Variants in CFHR3 observed in about 807,000 individuals in gnomAD.
CFHR3 encodes the protein complement factor H related 3, also known as complement factor H-related protein 3.
In CFHR3, 22 loss-of-function variants were observed where a neutral mutation model predicts 36.0. The observed-to-expected ratio is 0.61, with a 90% CI of 0.44 to 0.87. CFHR3 has a LOEUF of 0.87. Among genes scored for constraint, CFHR3 ranks in the 40% least tolerant of loss-of-function variants. The probability of loss-of-function intolerance (pLI) is 0.00; values close to 1 mark genes in which losing one functional copy is unlikely to be tolerated. For missense variants in CFHR3, 276 were observed against 401.3 expected, an observed-to-expected ratio of 0.69 and a Z score of 2.67; for synonymous variants, 97 against 137.4, an observed-to-expected ratio of 0.71 and a Z score of 2.06.
rs879062744 is a variant in CFHR3, at chr1:196,789,782, T to C, written c.614-263T>C. 18 of 1,290,614 alleles carry C rather than the reference T, an allele frequency of 1.4e-5. 2 individuals carry two copies. The South Asian group carries it at 3.6e-4, about 26-fold the overall frequency. 79.9% of individuals were successfully genotyped at this position (1,290,614 alleles called of 1,614,324 possible). On this transcript the variant is annotated intron_variant, in intron 4 of 5. Coordinates refer to ENST00000367425, the MANE Select transcript of CFHR3 (RefSeq NM_021023.6). ...TAGTAAGTATTTTATTCAAGTATTT[T>C]TTATTAGAATTAAATAAAATAATAA... is the stretch of plus-strand genomic sequence containing the variant.
rs527698866 is a variant in CFHR3, at chr1:196,793,040, A to G, written c.797-277A>G. 5.2e-5 allele frequency among the ~76,000 whole-genome samples: 7 copies of G among 135,470 alleles called. No individual in the cohort carries two copies. In the East Asian group the frequency reaches 1.4e-3, roughly 27 times the overall value. The allele number at this position is 135,470 out of a possible 152,430, so 88.9% of individuals were successfully genotyped here. On this transcript the variant is annotated intron_variant, in intron 5 of 5. Transcript: ENST00000367425. Reference sequence around the variant, plus strand: ...ATATGAAGTCACTAGGGTGGACACAACATATTTTAGGAAAGAAGAGTTCAG... The same window carrying G: ...ATATGAAGTCACTAGGGTGGACACAGCATATTTTAGGAAAGAAGAGTTCAG...
chr1:196,788,155 C>G lies in CFHR3; in HGVS notation c.431-61C>G. 5.7e-6 allele frequency: 7 copies of G among 1,232,546 alleles called. 1 individual carries two copies. Among genetic ancestry groups the G allele is most frequent in the Non-Finnish European group, 7.6e-6 (7 of 921,598 alleles). 76.4% of individuals were successfully genotyped at this position (1,232,546 alleles called of 1,614,324 possible). ...CCATATTGCCATGTTTTTACTTGTTCCCTCCTATAAAAGAACTATTCAACT... is the reference window on the plus strand; with the variant it reads ...CCATATTGCCATGTTTTTACTTGTTGCCTCCTATAAAAGAACTATTCAACT... On this transcript the variant is annotated intron_variant, in intron 3 of 5. Coordinates refer to ENST00000367425, the MANE Select transcript of CFHR3 (RefSeq NM_021023.6).
rs1165765139 is a variant in CFHR3, at chr1:196,777,555, T to A, written c.59-1607T>A. Among the ~76,000 whole-genome samples, 7 of 137,136 alleles carry A rather than the reference T, an allele frequency of 5.1e-5. 1 individual carries two copies. The highest frequency in any genetic ancestry group is 2.1e-4 in the African/African-American group (7 of 32,840). 90.0% of individuals were successfully genotyped at this position (137,136 alleles called of 152,430 possible). A position where few individuals can be genotyped will look rare whatever the true frequency, so the allele number is the denominator to read the frequency against. ...CATAACAAAAGGTCCCAGGATTTCC[T>A]TGACTTTTCCTACTACAGACCAAGT... On this transcript the variant is annotated intron_variant, in intron 1 of 5. Transcript: ENST00000367425.
At chr1:196,778,693 T>C (rs1653827598) in intron 1 of CFHR3, among the ~76,000 whole-genome samples, 1 of 136,496 alleles carries the variant, frequency 7.3e-6, no homozygotes, top group Non-Finnish European at 1.6e-5. Context: ...AGATAATTGG[T>C]ACATTTCTGA....
Position 196,781,831 on chromosome 1 carries a change from C to T in CFHR3, c.430+1858C>T, listed in dbSNP as rs1481728443. ...ATTAGATCCCATTTGTCAATTTTGG[C>T]TTTTGTTGCCATTGCTTTTGGTGTT... On this transcript the variant is annotated intron_variant, in intron 3 of 5. Coordinates refer to ENST00000367425, the MANE Select transcript of CFHR3 (RefSeq NM_021023.6). Among the ~76,000 whole-genome samples the T allele has an allele frequency of 3.0e-5, 4 of 135,572 alleles. 1 individual carries two copies. Among genetic ancestry groups the T allele is most frequent in the Admixed American group, 2.9e-4 (4 of 14,008 alleles). The allele number at this position is 135,572 out of a possible 152,430, so 88.9% of individuals were successfully genotyped here.
intron 1 of CFHR3, 39 bp from the exon 2 acceptor site, chr1:196,779,123 A>T: frequency 7.2e-7 from 1 of 1,382,806 alleles, no homozygotes; most frequent in Non-Finnish European, 9.9e-7. Context: ...TATTACAGTA[A>T]AAATTATTTA....
At chr1:196,789,294 G>T in intron 4 of CFHR3, 6 of 832,682 alleles carry the variant, frequency 7.2e-6, no homozygotes, top group Non-Finnish European at 8.6e-6. Context: ...AAAATATTAA[G>T]CTAAGAGAGA....
At chr1:196,788,686 T>C (rs776078519) in intron 4 of CFHR3, 10 of 1,454,434 alleles carry the variant, frequency 6.9e-6, no homozygotes, top group Non-Finnish European at 8.2e-6. Flanking sequence ...CAGCAAAATA[T>C]GTTAGTTGCC....
At chr1:196,789,090 G>C in intron 4 of CFHR3, 1 of 1,090,400 alleles carries the variant, frequency 9.2e-7, no homozygotes, top group Non-Finnish European at 1.1e-6. Flanking sequence ...GGCAAAAGTT[G>C]ATTTTTTTTC....
rs1434748532 is a variant in CFHR3, at chr1:196,774,987, G to GT, written c.58+44dup. On this transcript the variant is annotated intron_variant, in intron 1 of 5. Transcript: ENST00000367425. Reference sequence around the variant, plus strand: ...TAAACACTCAGCTTCCCTCTTAAATGTAACTTCATGTAATATCTAGCTTTG... The same window carrying GT: ...TAAACACTCAGCTTCCCTCTTAAATGTTAACTTCATGTAATATCTAGCTTTG... 3 of 1,375,690 alleles carry GT rather than the reference G, an allele frequency of 2.2e-6. 1 individual carries two copies. Among genetic ancestry groups the GT allele is most frequent in the Non-Finnish European group, 3.0e-6 (3 of 993,594 alleles). 85.2% of individuals were successfully genotyped at this position (1,375,690 alleles called of 1,614,324 possible).
At chr1:196,785,310 T>C (rs1252784135) in intron 3 of CFHR3, among the ~76,000 whole-genome samples, 3 of 133,062 alleles carry the variant, frequency 2.3e-5, no homozygotes, top group East Asian at 4.0e-4. Context: ...AGGAGTATCT[T>C]TGTGGCGTTC....
In CFHR3 at chr1:196,789,619, T is replaced by C; in HGVS notation, c.614-426T>C. The C allele has an allele frequency of 2.2e-6, 3 of 1,384,108 alleles. 1 individual carries two copies. The South Asian group carries it at 4.9e-5, about 23-fold the overall frequency. The allele number at this position is 1,384,108 out of a possible 1,614,324, so 85.7% of individuals were successfully genotyped here. A position where few individuals can be genotyped will look rare whatever the true frequency, so the allele number is the denominator to read the frequency against. On this transcript the variant is annotated intron_variant, in intron 4 of 5. Transcript: ENST00000367425. ...ATAAATGGTTACATTAACTTTTAAATTCACAAATTTAAAAGCGGTTTAAGC... is the reference window on the plus strand; with the variant it reads ...ATAAATGGTTACATTAACTTTTAAACTCACAAATTTAAAAGCGGTTTAAGC...
intron 3 of CFHR3, among the ~76,000 whole-genome samples, chr1:196,785,850 C>A (rs1231824949): frequency 7.3e-6 from 1 of 137,206 alleles, no homozygotes; most frequent in Non-Finnish European, 1.5e-5. Context: ...TGGTGAGGAA[C>A]TTTGTTCCTT....
At chr1:196,786,478 C>A (rs1485034961) in intron 3 of CFHR3, among the ~76,000 whole-genome samples, 1 of 135,724 alleles carries the variant, frequency 7.4e-6, no homozygotes, top group Non-Finnish European at 1.6e-5. Flanking sequence ...TTCCTGGCTG[C>A]TTTGTTTACC....
In CFHR3 at chr1:196,794,347, C is replaced by A. The variant is rs2124867961; in HGVS notation, c.*834C>A. ...GCATGATGGCGTGCACCTGTAGTCC[C>A]AGCTACTCAGGAGGCTGAGGTGGGA... On this transcript the variant is annotated 3_prime_UTR_variant, in exon 6 of 6. Transcript: ENST00000367425. Among the ~76,000 whole-genome samples, 1 of 136,550 alleles carries A rather than the reference C, an allele frequency of 7.3e-6. No individual in the cohort carries two copies. The highest frequency in any genetic ancestry group is 2.6e-4 in the South Asian group (1 of 3,906). 89.6% of individuals were successfully genotyped at this position (136,550 alleles called of 152,430 possible).
Position 196,787,212 on chromosome 1 carries a change from C to T in CFHR3, c.431-1004C>T, listed in dbSNP as rs146136806. ...AGCCTAAGCCCCTGAAAGAAAAGTCCCTTTTTCTCCTGCCATAAGCACCAA... is the reference window on the plus strand; with the variant it reads ...AGCCTAAGCCCCTGAAAGAAAAGTCTCTTTTTCTCCTGCCATAAGCACCAA... On this transcript the variant is annotated intron_variant, in intron 3 of 5. Coordinates refer to ENST00000367425, the MANE Select transcript of CFHR3 (RefSeq NM_021023.6). 5.1e-3 allele frequency among the ~76,000 whole-genome samples: 698 copies of T among 136,918 alleles called. 186 individuals carry two copies. Among genetic ancestry groups the T allele is most frequent in the African/African-American group, 0.021 (678 of 32,840 alleles). 89.8% of individuals were successfully genotyped at this position (136,918 alleles called of 152,430 possible).
chr1:196,786,471 C>A lies in CFHR3; in HGVS notation c.431-1745C>A, dbSNP rs539456299. 1.4e-3 allele frequency among the ~76,000 whole-genome samples: 196 copies of A among 136,148 alleles called. 37 individuals carry two copies. In the South Asian group the frequency reaches 0.015, roughly 10 times the overall value. The allele number at this position is 136,148 out of a possible 152,430, so 89.3% of individuals were successfully genotyped here. ...GTGGGCTCCACCCAGTTCGAGCTTC[C>A]TGGCTGCTTTGTTTACCTAAGCAAG... On this transcript the variant is annotated intron_variant, in intron 3 of 5. Transcript: ENST00000367425.
At position 196,784,281 on chromosome 1, in the gene CFHR3, C is replaced by T. The variant is rs1000370438; in HGVS notation, c.431-3935C>T. Among the ~76,000 whole-genome samples, 31 of 135,946 alleles carry T rather than the reference C, an allele frequency of 2.3e-4. 3 individuals carry two copies. Among genetic ancestry groups the T allele is most frequent in the African/African-American group, 3.7e-4 (12 of 32,390 alleles). The allele number at this position is 135,946 out of a possible 152,430, so 89.2% of individuals were successfully genotyped here. Reference sequence around the variant, plus strand: ...GTGCTGAAAAAAATGTATATTCTGTCGATTTGGGGTGGAGAGTTCTGTAAA... The same window carrying T: ...GTGCTGAAAAAAATGTATATTCTGTTGATTTGGGGTGGAGAGTTCTGTAAA... On this transcript the variant is annotated intron_variant, in intron 3 of 5. Transcript: ENST00000367425.
At chr1:196,775,005 T>G in intron 1 of CFHR3, 61 bp downstream of exon 1, 6 of 1,260,262 alleles carry the variant, frequency 4.8e-6, no homozygotes, top group Non-Finnish European at 6.7e-6. Context: ...ATGTAATATC[T>G]AGCTTTGTAT....
Sources: gnomAD v4.1 joint callset for allele counts (sites outside exome capture counted in the v4.1 genomes callset) on GRCh38, gnomAD v4.1.1 for gene constraint, MANE v1.5 for transcripts, NCBI Gene and HGNC (gene_info 2026-07-23, HGNC 2026-07-21) for gene names.